ZNF397: variants seen among roughly 807,000 people sequenced by gnomAD.
The protein encoded by ZNF397 is zinc finger and SCAN domain-containing protein 15.
A neutral mutation model predicts 50.6 loss-of-function variants in ZNF397; 38 were observed. The observed-to-expected ratio is 0.75, with a 90% CI of 0.58 to 0.98. The LOEUF (loss-of-function observed/expected upper bound fraction) is 0.98. Among genes scored for constraint, ZNF397 ranks in the 50% least tolerant of loss-of-function variants. ZNF397 has a pLI of 0.00. For synonymous variants in ZNF397, 228 were observed against 215.2 expected, an observed-to-expected ratio of 1.06 and a Z score of -0.52; for missense variants, 624 against 624.1, an observed-to-expected ratio of 1.00 and a Z score of 0.00.
chr18:35,241,886 T>C (rs1388416760), intron 1 of ZNF397, among the ~76,000 whole-genome samples: 1 of 152,246 alleles, frequency 6.6e-6, no homozygotes, highest in Non-Finnish European at 1.5e-5. Flanking sequence ...AAAAAAACGT[T>C]ATTACTGCCT....
chr18:35,243,676 T>A lies in ZNF397; in HGVS notation c.556+383T>A. The A allele has an allele frequency of 7.0e-6, 3 of 431,524 alleles. No homozygotes were observed. In the South Asian group the frequency reaches 9.2e-5, roughly 13 times the overall value. 26.7% of individuals were successfully genotyped at this position (431,524 alleles called of 1,614,324 possible). ...CTGTTGGAGCACATCTAAAGGCACCTAACCCAATCTTAGAGGATCAAGGAA... is the reference window on the plus strand; with the variant it reads ...CTGTTGGAGCACATCTAAAGGCACCAAACCCAATCTTAGAGGATCAAGGAA... On this transcript the variant is annotated intron_variant, in intron 3 of 3. Coordinates refer to ENST00000330501, the MANE Select transcript of ZNF397 (RefSeq NM_001135178.3).
rs1241886330 is a variant in ZNF397, at chr18:35,245,935, A to G, written c.1230A>G (p.Ser410=). Residue 410 remains serine (S), a synonymous_variant, in exon 4 of 4, where the codon TCA becomes TCG. Transcript: ENST00000330501. Reference sequence around the variant, plus strand: ...GTGGGAAAACCTTTAGCCAGAGCTCAAAACTCATTAGACATCAGCGAATTC... The same window carrying G: ...GTGGGAAAACCTTTAGCCAGAGCTCGAAACTCATTAGACATCAGCGAATTC... ...NECGKTFSQS[S]KLIRHQRIHT... 2.5e-6 allele frequency: 4 copies of G among 1,578,162 alleles called. No individual in the cohort carries two copies. Among genetic ancestry groups the G allele is most frequent in the Non-Finnish European group, 3.4e-6 (4 of 1,161,732 alleles).
chr18:35,241,447 G>C (rs1409316560), intron 1 of ZNF397: 2 of 152,212 alleles, frequency 1.3e-5, no homozygotes, highest in Admixed American at 6.5e-5. Context: ...AACGTTAACC[G>C]TAGTGTGAGG....
At chr18:35,241,691 G>A (rs983927849) in intron 1 of ZNF397, 2 of 152,186 alleles carry the variant, frequency 1.3e-5, no homozygotes, top group African/African-American at 2.4e-5. Context: ...TGAACACATG[G>A]TAAGCATTTT....
downstream of ZNF397, among the ~76,000 whole-genome samples, chr18:35,250,140 T>C (rs1311378196): frequency 6.6e-6 from 1 of 152,194 alleles, no homozygotes; most frequent in Non-Finnish European, 1.5e-5. Flanking sequence ...CAAAAGGAAT[T>C]CTTGCCTGAA....
In ZNF397 at chr18:35,247,252, A is replaced by G. The variant is rs992239294; in HGVS notation, c.*942A>G. On this transcript the variant is annotated 3_prime_UTR_variant, in exon 4 of 4. Coordinates refer to ENST00000330501, the MANE Select transcript of ZNF397 (RefSeq NM_001135178.3). ...ACCTGGAGCCCTTGGGCCACAGGGT[A>G]GTCAAGAGCTTTGTCTTGGTTTATG... 159 of 893,920 alleles carry G rather than the reference A, an allele frequency of 1.8e-4. No homozygotes were observed. Among genetic ancestry groups the G allele is most frequent in the Non-Finnish European group, 1.9e-4 (139 of 746,602 alleles). The allele number at this position is 893,920 out of a possible 1,614,324, so 55.4% of individuals were successfully genotyped here. A position where few individuals can be genotyped will look rare whatever the true frequency, so the allele number is the denominator to read the frequency against.
intron 5 of ZNF397, among the ~76,000 whole-genome samples, chr18:35,255,344 T>C (rs544166026): frequency 6.6e-6 from 1 of 151,934 alleles, no homozygotes; most frequent in East Asian, 2.0e-4. Flanking sequence ...TAGAAATGGC[T>C]GATATAACTT....
chr18:35,257,659 T>C (rs1342232951), intron 5 of ZNF397: 1 of 525,316 alleles, frequency 1.9e-6, no homozygotes, highest in Non-Finnish European at 3.4e-6. Context: ...GTTATAGCAG[T>C]CCTAACCGAT....
At chr18:35,258,067 G>A in exon 6 of ZNF397, 1 of 766,600 alleles carries the variant, frequency 1.3e-6, no homozygotes, top group Non-Finnish European at 2.4e-6. Flanking sequence ...AAATGGCATG[G>A]TGACTCTTAC....
chr18:35,252,134 T>C (rs569167425), downstream of ZNF397: 22 of 152,340 alleles, frequency 1.4e-4, no homozygotes, highest in African/African-American at 5.3e-4. Context: ...AGAATCCCCA[T>C]GTGTTGCTTT....
intron 5 of ZNF397, chr18:35,257,561 A>T: frequency 4.1e-6 from 1 of 245,050 alleles, no homozygotes. Flanking sequence ...CCAAATACAA[A>T]ATCTGCTAGC....
downstream of ZNF397, chr18:35,251,652 G>A (rs1204045529): frequency 6.6e-6 from 1 of 152,090 alleles, no homozygotes; most frequent in Non-Finnish European, 1.5e-5. Flanking sequence ...CATGAGATTT[G>A]GCTGATTGAT....
chr18:35,253,115 A>C, downstream of ZNF397: 1 of 196,276 alleles, frequency 5.1e-6, no homozygotes, highest in Non-Finnish European at 1.0e-5. Context: ...TCTCTGCCCC[A>C]ATCCTGGCAT....
At chr18:35,243,545 G>C in intron 3 of ZNF397, 1 of 626,326 alleles carries the variant, frequency 1.6e-6, no homozygotes, top group Non-Finnish European at 2.8e-6. Context: ...TACATGTCTG[G>C]TACTGTGGTA....
downstream of ZNF397, among the ~76,000 whole-genome samples, chr18:35,250,265 A>C (rs2043555436): frequency 6.6e-6 from 1 of 152,182 alleles, no homozygotes; most frequent in African/African-American, 2.4e-5. Flanking sequence ...ACCCTCACTT[A>C]AAGGAGCTGA....
downstream of ZNF397, chr18:35,252,930 G>C (rs548635082): frequency 6.5e-6 from 1 of 153,102 alleles, no homozygotes; most frequent in East Asian, 1.9e-4. Context: ...CCATTCCTCA[G>C]GTACTATTTT....
rs1315997789 is a variant in ZNF397, at chr18:35,241,064, A to C, written c.-126A>C. The C allele has an allele frequency of 1.3e-5, 2 of 152,452 alleles. No homozygotes were observed. Among genetic ancestry groups the C allele is most frequent in the Non-Finnish European group, 2.9e-5 (2 of 68,132 alleles). The allele number at this position is 152,452 out of a possible 1,614,324, so 9.4% of individuals were successfully genotyped here. On this transcript the variant is annotated 5_prime_UTR_variant, in exon 1 of 4. Coordinates refer to ENST00000330501, the MANE Select transcript of ZNF397 (RefSeq NM_001135178.3). The stretch of plus-strand genomic sequence containing the variant: ...CGCACTTCCGGTCTTTGTGGCTTGC[A>C]GCTCGGGGTGGGTGGCTCATTTCCT...
At position 35,246,920 on chromosome 18, in the gene ZNF397, TA is replaced by T; in HGVS notation, c.*611del. ...CAGTGGAAAACAAGACTGTAGTCTC[TA>T]CAGTCTAATGGGCAAGGCAGCCAGA... On this transcript the variant is annotated 3_prime_UTR_variant, in exon 4 of 4. Coordinates refer to ENST00000330501, the MANE Select transcript of ZNF397 (RefSeq NM_001135178.3). 1.1e-6 allele frequency: 1 copy of T among 939,420 alleles called. No homozygotes were observed. Among genetic ancestry groups the T allele is most frequent in the Non-Finnish European group, 1.3e-6 (1 of 788,010 alleles). 58.2% of individuals were successfully genotyped at this position (939,420 alleles called of 1,614,324 possible). A position where few individuals can be genotyped will look rare whatever the true frequency, so the allele number is the denominator to read the frequency against.
At chr18:35,251,803 T>C (rs1027631498), downstream of ZNF397, 1 of 152,100 alleles carries the variant, frequency 6.6e-6, no homozygotes, top group Non-Finnish European at 1.5e-5. Flanking sequence ...ACCTCTTTTT[T>C]TTTTTTAATA....
Sources: allele counts gnomAD v4.1 joint callset (sites outside exome capture counted in the v4.1 genomes callset), GRCh38; gene constraint gnomAD v4.1.1; transcripts MANE v1.5; gene names NCBI Gene and HGNC (gene_info 2026-07-23, HGNC 2026-07-21).